The following GRIP1 variants were observed in gnomAD, a reference collection of about 807,000 sequenced individuals.
GRIP1 encodes glutamate receptor-interacting protein 1.
GRIP1 carries 45 observed loss-of-function variants against 129.9 expected under a neutral mutation model. The observed-to-expected ratio is 0.35, with a 90% CI of 0.27 to 0.44. GRIP1 has a LOEUF of 0.44. Ranked by LOEUF, GRIP1 falls within the 20% of genes least tolerant of loss-of-function variation. The pLI, the probability that GRIP1 is intolerant of heterozygous loss-of-function variation, is 1.00. For synonymous variants in GRIP1, 530 were observed against 520.8 expected, an observed-to-expected ratio of 1.02 and a Z score of -0.24; for missense variants, 1,196 against 1,396.8, an observed-to-expected ratio of 0.86 and a Z score of 2.29.
At chr12:66,598,018 C>T (rs529332026) in intron 1 of GRIP1, among the ~76,000 whole-genome samples, 28 of 151,452 alleles carry the variant, frequency 1.8e-4, no homozygotes, top group Admixed American at 3.9e-4. Flanking sequence ...GCTGGCCACG[C>T]TATAAGATGT....
At chr12:66,520,239 A>G (rs1044087178) in intron 5 of GRIP1, among the ~76,000 whole-genome samples, 1 of 152,144 alleles carries the variant, frequency 6.6e-6, no homozygotes, top group African/African-American at 2.4e-5. Flanking sequence ...TGCCATACTA[A>G]TATTTACTCA....
chr12:66,561,938 T>C (rs1231916688), intron 2 of GRIP1, among the ~76,000 whole-genome samples: 1 of 151,650 alleles, frequency 6.6e-6, no homozygotes, highest in East Asian at 1.9e-4. Flanking sequence ...TACAAAAAGA[T>C]TTAAAAATTA....
At chr12:66,950,703 A>G in intron 1 of GRIP1, among the ~76,000 whole-genome samples, 1 of 152,112 alleles carries the variant, frequency 6.6e-6, no homozygotes, top group South Asian at 2.1e-4. Context: ...GTGTGTCAGT[A>G]CTAGATCACA....
intron 1 of GRIP1, among the ~76,000 whole-genome samples, chr12:66,733,464 C>T (rs1285142320): frequency 2.0e-5 from 3 of 152,108 alleles, no homozygotes; most frequent in Non-Finnish European, 4.4e-5. Flanking sequence ...TGGGATGTAA[C>T]TCTTTCCTTT....
chr12:66,499,731 A>G (rs2060336633), intron 7 of GRIP1, among the ~76,000 whole-genome samples: 1 of 152,188 alleles, frequency 6.6e-6, no homozygotes, highest in Non-Finnish European at 1.5e-5. Context: ...GGCTGGGTAC[A>G]ATGGCTCATG....
intron 1 of GRIP1, among the ~76,000 whole-genome samples, chr12:66,949,913 T>G (rs1405723455): frequency 2.0e-5 from 3 of 151,736 alleles, no homozygotes; most frequent in Admixed American, 2.0e-4. Context: ...GGACTACAGG[T>G]GCCCGCCACC....
intron 14 of GRIP1, among the ~76,000 whole-genome samples, chr12:66,425,824 G>C (rs2057965742): frequency 6.6e-6 from 1 of 152,034 alleles, no homozygotes; most frequent in African/African-American, 2.4e-5. Flanking sequence ...GACAGTTGTG[G>C]GGTGGGGGAA....
chr12:66,514,799 T>C (rs1184661184), intron 7 of GRIP1, among the ~76,000 whole-genome samples: 1 of 152,156 alleles, frequency 6.6e-6, no homozygotes, highest in African/African-American at 2.4e-5. Flanking sequence ...TAAAGGAGTA[T>C]GCAGTTATAG....
chr12:67,049,962 T>C (rs900523060), intron 1 of GRIP1, among the ~76,000 whole-genome samples: 3 of 148,530 alleles, frequency 2.0e-5, no homozygotes, highest in Admixed American at 1.3e-4. Flanking sequence ...TTTTGCGTAT[T>C]TGAATTTCTT....
chr12:66,841,651 A>G (rs574679036), intron 1 of GRIP1, among the ~76,000 whole-genome samples: 3 of 152,282 alleles, frequency 2.0e-5, no homozygotes, highest in African/African-American at 7.2e-5. Flanking sequence ...TCAAATCTCA[A>G]GTCTCAAGTG....
At chr12:66,509,246 A>G (rs2060623973) in intron 7 of GRIP1, among the ~76,000 whole-genome samples, 2 of 152,194 alleles carry the variant, frequency 1.3e-5, no homozygotes, top group African/African-American at 2.4e-5. Context: ...ATTTTAGAGA[A>G]GTGGAGCATT....
chr12:66,761,068 T>G (rs2037459440), intron 1 of GRIP1, among the ~76,000 whole-genome samples: 1 of 152,096 alleles, frequency 6.6e-6, no homozygotes, highest in Admixed American at 6.5e-5. Context: ...TCTGCTTTCT[T>G]GCCTTTGTAC....
chr12:66,601,677 AT>A (rs2064284474), intron 1 of GRIP1, among the ~76,000 whole-genome samples: 1 of 152,206 alleles, frequency 6.6e-6, no homozygotes, highest in Admixed American at 6.5e-5. Flanking sequence ...AAAATAAGGC[AT>A]TTGGTGCAGT....
chr12:66,434,875 G>C (rs1351463324), intron 13 of GRIP1, among the ~76,000 whole-genome samples: 2 of 152,242 alleles, frequency 1.3e-5, no homozygotes, highest in Non-Finnish European at 2.9e-5. Context: ...TATGAGGAGA[G>C]AGCCTGTGCC....
chr12:66,593,281 A>C (rs2063912319), intron 2 of GRIP1, among the ~76,000 whole-genome samples: 1 of 152,170 alleles, frequency 6.6e-6, no homozygotes. Flanking sequence ...GAGGGTGATA[A>C]AAGGATTTAC....
chr12:66,456,242 G>C lies in GRIP1; in HGVS notation c.1143C>G (p.Asp381Glu). ...ATGTCAGGGCTGGTACTCTGCAATG[G>C]TCAGGGTGGTACGTGTTATAGTGAT... ...TNHHYNTYHP[D>E]HCRVPALTFP... Residue 381 changes from aspartate (D) to glutamate (E), a missense_variant, in exon 10 of 25, where the codon GAC (aspartate) becomes GAG (glutamate). Transcript: ENST00000359742. 6 of 1,289,412 alleles carry C rather than the reference G, an allele frequency of 4.7e-6. No individual in the cohort carries two copies. The highest frequency in any genetic ancestry group is 6.1e-6 in the Non-Finnish European group (6 of 988,204). 79.9% of individuals were successfully genotyped at this position (1,289,412 alleles called of 1,614,324 possible).
intron 1 of GRIP1, among the ~76,000 whole-genome samples, chr12:66,599,343 C>G (rs1240476170): frequency 6.6e-6 from 1 of 152,110 alleles, no homozygotes; most frequent in Non-Finnish European, 1.5e-5. Flanking sequence ...AGCAATAATT[C>G]CTAATGGAAG....
intron 1 of GRIP1, among the ~76,000 whole-genome samples, chr12:66,855,486 C>T (rs2039987687): frequency 1.3e-5 from 2 of 151,942 alleles, no homozygotes; most frequent in South Asian, 4.1e-4. Flanking sequence ...GCCCTTGCAT[C>T]CAAATCTGTT....
chr12:66,605,591 T>G (rs1352573592), intron 1 of GRIP1, among the ~76,000 whole-genome samples: 1 of 151,002 alleles, frequency 6.6e-6, no homozygotes, highest in Non-Finnish European at 1.5e-5. Context: ...CTGTGTATGT[T>G]TGATTATTGA....
Sources: gnomAD v4.1 joint callset for allele counts (sites outside exome capture counted in the v4.1 genomes callset) on GRCh38, gnomAD v4.1.1 for gene constraint, MANE v1.5 for transcripts, NCBI Gene and HGNC (gene_info 2026-07-23, HGNC 2026-07-21) for gene names.